Variants in ABCB7 observed in about 807,000 individuals in gnomAD.
The protein encoded by ABCB7 is ATP binding cassette subfamily B member 7.
A neutral mutation model predicts 54.4 loss-of-function variants in ABCB7; 7 were observed. That is an observed-to-expected ratio of 0.13 (90% CI 0.07 to 0.24). The LOEUF is 0.24. Among genes scored for constraint, ABCB7 ranks in the 10% least tolerant of loss-of-function variants. ABCB7 has a pLI of 1.00. For synonymous variants in ABCB7, 218 were observed against 207.1 expected (o/e 1.05, Z -0.45); for missense variants, 356 against 570.4 (o/e 0.62, Z 3.83).
intron 1 of ABCB7, among the ~76,000 whole-genome samples, chrX:75,134,691 TAC>T (rs762010611): frequency 1.8e-5 from 2 of 111,867 alleles, no homozygotes; most frequent in Non-Finnish European, 3.8e-5. Context: ...ACTATAAAAG[TAC>T]ATGGAAATTA....
At chrX:75,142,718 C>T (rs1488032293) in intron 1 of ABCB7, among the ~76,000 whole-genome samples, 4 of 112,115 alleles carry the variant, frequency 3.6e-5, no homozygotes, top group African/African-American at 9.7e-5. Flanking sequence ...TCCCCATCTC[C>T]GGGCTCATAT....
At chrX:75,140,150 T>C (rs184512507) in intron 1 of ABCB7, among the ~76,000 whole-genome samples, 4 of 112,294 alleles carry the variant, frequency 3.6e-5, no homozygotes, top group Admixed American at 9.5e-5. Flanking sequence ...ACTATTTTAA[T>C]AGCTCCTCTG....
chrX:75,119,951 G>A (rs2081860274), intron 1 of ABCB7, among the ~76,000 whole-genome samples: 1 of 111,662 alleles, frequency 9.0e-6, no homozygotes, highest in Non-Finnish European at 1.9e-5. Context: ...TTAAATGCAG[G>A]TGTCTGATAA....
chrX:75,098,868 C>T, intron 4 of ABCB7, 74 bp downstream of exon 4: 1 of 1,186,141 alleles, frequency 8.4e-7, no homozygotes. Context: ...GTGATTTACA[C>T]CAGGCCCAGG....
In ABCB7 at chrX:75,070,449, C is replaced by T; in HGVS notation, c.1281G>A (p.Leu427=). ...LFQLSLPLNF[L]GTVYRETRQA... ...GTCTAGTCTCTCTATATACAGTTCC[C>T]AGAAAGTTCAGGGGTAATGAAAGCT... Residue 427 remains leucine, a synonymous_variant, in exon 10 of 16, where the codon CTG becomes CTA. Coordinates refer to ENST00000373394, the MANE Select transcript of ABCB7 (RefSeq NM_001271696.3). 5.0e-6 allele frequency: 6 copies of T among 1,209,636 alleles called. No individual in the cohort carries two copies. The highest frequency in any genetic ancestry group is 5.6e-6 in the Non-Finnish European group (5 of 894,315).
At chrX:75,099,396 AT>A (rs1210212770) in intron 3 of ABCB7, among the ~76,000 whole-genome samples, 5 of 111,652 alleles carry the variant, frequency 4.5e-5, no homozygotes, top group Admixed American at 3.8e-4. Context: ...TTCAAAAAAA[AT>A]TTCCATATTT....
intron 1 of ABCB7, among the ~76,000 whole-genome samples, chrX:75,147,671 GGGTGGAA>G: frequency 8.9e-6 from 1 of 111,744 alleles, no homozygotes; most frequent in East Asian, 2.8e-4. Context: ...GCCTATCAGA[GGGTGGAA>G]GGTGGAAGAA....
intron 15 of ABCB7, among the ~76,000 whole-genome samples, chrX:75,053,844 A>C (rs2081214519): frequency 8.9e-6 from 1 of 112,078 alleles, no homozygotes; most frequent in Non-Finnish European, 1.9e-5. Flanking sequence ...AAAGGAAATA[A>C]AATTGTAATG....
chrX:75,075,380 C>T lies in ABCB7; in HGVS notation c.837G>A (p.Met279Ile), dbSNP rs1426531611. 11 of 1,209,429 alleles carry T rather than the reference C, an allele frequency of 9.1e-6. No individual in the cohort carries two copies. Among genetic ancestry groups the T allele is most frequent in the Non-Finnish European group, 1.2e-5 (11 of 894,856 alleles). Residue 279 changes from methionine to isoleucine, a missense_variant, in exon 6 of 16, where the codon ATG becomes ATA. Physicochemically the swap from Met to Ile is conservative, Grantham distance 10 (BLOSUM62 1). This residue lies in a region of ABCB7 where 241 missense variants were observed against 470.9 expected (regional missense o/e 0.51). Transcript: ENST00000373394. Reference sequence around the variant, plus strand: ...AACTTACCAAAACACCACTGACAAGCATCACTTCAAACATGATGGGAAGAA... The same window carrying T: ...AACTTACCAAAACACCACTGACAAGTATCACTTCAAACATGATGGGAAGAA... Reference protein sequence around the residue: ...FNLLPIMFEVMLVSGVLYYKC... With the variant: ...FNLLPIMFEVILVSGVLYYKC...
intron 1 of ABCB7, among the ~76,000 whole-genome samples, chrX:75,128,259 C>G (rs1489903435): frequency 9.0e-6 from 1 of 111,007 alleles, no homozygotes; most frequent in Non-Finnish European, 1.9e-5. Context: ...ATATATAGAC[C>G]AATGGAACAG....
At chrX:75,077,916 CT>C (rs779192815) in intron 4 of ABCB7, among the ~76,000 whole-genome samples, 1,380 of 96,345 alleles carry the variant, frequency 0.014, 10 homozygotes, top group Middle Eastern at 0.021. Flanking sequence ...TTCTTCTTTG[CT>C]TTTTTTTTTT....
intron 1 of ABCB7, among the ~76,000 whole-genome samples, chrX:75,148,289 T>C (rs2082106812): frequency 9.0e-6 from 1 of 111,592 alleles, no homozygotes; most frequent in African/African-American, 3.3e-5. Context: ...TTTTTCTCAT[T>C]GTAAAAACAA....
intron 3 of ABCB7, among the ~76,000 whole-genome samples, chrX:75,102,268 C>T (rs1167630346): frequency 9.0e-6 from 1 of 110,810 alleles, no homozygotes; most frequent in Admixed American, 9.6e-5. Context: ...TGCTATCAAA[C>T]ATTAAAACTT....
chrX:75,147,053 C>A (rs6647645), intron 1 of ABCB7, among the ~76,000 whole-genome samples: 3 of 107,704 alleles, frequency 2.8e-5, no homozygotes. Context: ...CCAACAAGCA[C>A]ACAAAAAAAA....
In ABCB7 at chrX:75,065,187, T is replaced by C. The variant is rs2081308850; in HGVS notation, c.1714A>G (p.Ser572Gly). ...GCATACACTTCCTCAGGTGAAGCACTGATGTTTCCATATAAGAGGTTGTAA... is the reference window on the plus strand; with the variant it reads ...GCATACACTTCCTCAGGTGAAGCACCGATGTTTCCATATAAGAGGTTGTAA... ...IYYNLLYGNI[S>G]ASPEEVYAVA... Residue 572 changes from serine to glycine, a missense_variant, in exon 13 of 16, where the codon AGT (serine) becomes GGT (glycine). Ser to Gly is a moderately conservative substitution (Grantham distance 56). Around this residue, in one of 2 missense-constraint regions of ABCB7, gnomAD observed 241 missense variants for 470.9 expected, o/e 0.51. Transcript: ENST00000373394. 1 of 1,209,904 alleles carries C rather than the reference T, an allele frequency of 8.3e-7. No individual in the cohort carries two copies. The highest frequency in any genetic ancestry group is 1.1e-6 in the Non-Finnish European group (1 of 893,962).
At chrX:75,127,245 T>C (rs764480787) in intron 1 of ABCB7, among the ~76,000 whole-genome samples, 1 of 111,736 alleles carries the variant, frequency 8.9e-6, no homozygotes, top group East Asian at 2.8e-4. Context: ...GATGCAAGGC[T>C]GGTTCAATAT....
chrX:75,098,050 T>C (rs2081606629), intron 4 of ABCB7, among the ~76,000 whole-genome samples: 1 of 111,808 alleles, frequency 8.9e-6, no homozygotes, highest in African/African-American at 3.2e-5. Context: ...GGCTCATGCC[T>C]GTAATCCCAG....
At chrX:75,104,049 T>TTTTTTG (rs2081665463) in intron 3 of ABCB7, among the ~76,000 whole-genome samples, 1 of 28,126 alleles carries the variant, frequency 3.6e-5, no homozygotes, top group African/African-American at 1.0e-4. Flanking sequence ...TTGTTACAGT[T>TTTTTTG]TTTTTTTTTT....
intron 1 of ABCB7, among the ~76,000 whole-genome samples, chrX:75,136,005 AAG>A (rs2082006785): frequency 1.8e-5 from 2 of 110,227 alleles, no homozygotes; most frequent in South Asian, 4.0e-4. Context: ...GAAAAAAAAA[AAG>A]GCATCCAAAT....
Sources: allele counts gnomAD v4.1 joint callset (sites outside exome capture counted in the v4.1 genomes callset), GRCh38; gene constraint gnomAD v4.1.1; regional missense constraint gnomAD v4.1.1; transcripts MANE v1.5; gene names NCBI Gene and HGNC (gene_info 2026-07-23, HGNC 2026-07-21).